PDE4D: variants seen among roughly 807,000 people sequenced by gnomAD.
PDE4D encodes the protein 3',5'-cyclic-AMP phosphodiesterase 4D.
Under a neutral mutation model 87.4 loss-of-function variants are expected in PDE4D, and 24 were observed. The observed-to-expected ratio is 0.27, with a 90% CI of 0.20 to 0.39. PDE4D has a LOEUF of 0.39. PDE4D is among the 10% of genes least tolerant of loss of function. The probability of loss-of-function intolerance (pLI) is 1.00; values close to 1 mark genes in which losing one functional copy is unlikely to be tolerated. For missense variants in PDE4D, 714 were observed against 1,041.0 expected (o/e 0.69, Z 4.32); for synonymous variants, 384 against 383.2 (o/e 1.00, Z -0.02).
At chr5:59,568,490 G>T (rs1000771770) in intron 1 of PDE4D, among the ~76,000 whole-genome samples, 1 of 152,020 alleles carries the variant, frequency 6.6e-6, no homozygotes, top group Non-Finnish European at 1.5e-5. Context: ...CAAAGGGTAG[G>T]TATGAAAATA....
intron 5 of PDE4D, among the ~76,000 whole-genome samples, chr5:59,177,744 T>C (rs142140082): frequency 6.6e-6 from 1 of 152,168 alleles, no homozygotes; most frequent in African/African-American, 2.4e-5. Flanking sequence ...GGATCAGCCA[T>C]GAACTTAACT....
intron 1 of PDE4D, among the ~76,000 whole-genome samples, chr5:60,246,252 AT>A (rs1747764362): frequency 6.6e-6 from 1 of 151,476 alleles, no homozygotes; most frequent in South Asian, 2.1e-4. Context: ...AATTTTCATT[AT>A]TTTTTTGCTT....
intron 6 of PDE4D, among the ~76,000 whole-genome samples, chr5:59,009,435 A>C (rs1752323135): frequency 6.6e-6 from 1 of 152,160 alleles, no homozygotes; most frequent in African/African-American, 2.4e-5. Context: ...AGATGCAATA[A>C]CACAAAATGT....
intron 1 of PDE4D, among the ~76,000 whole-genome samples, chr5:60,466,831 C>T (rs1017763630): frequency 4.6e-5 from 7 of 152,108 alleles, no homozygotes; most frequent in African/African-American, 1.4e-4. Context: ...GTTGATTTTG[C>T]CCTTACTTTT....
At chr5:59,090,641 G>A (rs1768533316) in intron 5 of PDE4D, among the ~76,000 whole-genome samples, 1 of 152,016 alleles carries the variant, frequency 6.6e-6, no homozygotes, top group Non-Finnish European at 1.5e-5. Flanking sequence ...TTATAAAAAT[G>A]TTGGGTAGAG....
chr5:59,603,332 G>A (rs567441235), intron 1 of PDE4D, among the ~76,000 whole-genome samples: 8 of 151,866 alleles, frequency 5.3e-5, no homozygotes, highest in Non-Finnish European at 1.0e-4. Context: ...TGAAAAATGG[G>A]CAAAGGAACT....
At chr5:59,542,809 G>C (rs1816594118) in intron 1 of PDE4D, among the ~76,000 whole-genome samples, 1 of 152,076 alleles carries the variant, frequency 6.6e-6, no homozygotes, top group Admixed American at 6.6e-5. Flanking sequence ...TTAGTATACA[G>C]TATGTAAGAA....
At position 58,998,242 on chromosome 5, in the gene PDE4D, C is replaced by A. The variant is rs535314176; in HGVS notation, c.922-4777G>T. On this transcript the variant is annotated intron_variant, in intron 6 of 14. Coordinates refer to ENST00000340635, the MANE Select transcript of PDE4D (RefSeq NM_001104631.2). ...AGGAAAAATTTTCCTCAAAAAGAAA[C>A]GTACTAAAATTCTATATGTAGATTC... is the stretch of plus-strand genomic sequence containing the variant. 4.6e-5 allele frequency among the ~76,000 whole-genome samples: 7 copies of A among 152,022 alleles called. No homozygotes were observed. The East Asian group carries it at 1.4e-3, about 29-fold the overall frequency.
At chr5:59,756,346 A>AT (rs1761212102) in intron 1 of PDE4D, among the ~76,000 whole-genome samples, 2 of 152,110 alleles carry the variant, frequency 1.3e-5, no homozygotes, top group Admixed American at 1.3e-4. Context: ...ATTTACACAG[A>AT]TTTTTTTCAG....
intron 1 of PDE4D, among the ~76,000 whole-genome samples, chr5:60,516,801 C>T (rs1451728238): frequency 6.6e-6 from 1 of 152,166 alleles, no homozygotes; most frequent in African/African-American, 2.4e-5. Flanking sequence ...ACAGTGGTGG[C>T]CCATCTGGAG....
At position 60,409,894 on chromosome 5, in the gene PDE4D, G is replaced by A. The variant is rs1006724819; in HGVS notation, c.-90+78048C>T. Among the ~76,000 whole-genome samples the A allele has an allele frequency of 1.6e-4, 12 of 73,908 alleles. No individual in the cohort carries two copies. The African/African-American group carries it at 1.9e-3, about 11-fold the overall frequency. The allele number at this position is 73,908 out of a possible 152,430, so 48.5% of individuals were successfully genotyped here. On this transcript the variant is annotated intron_variant, in intron 1 of 16. Coordinates refer to the PDE4D transcript ENST00000502484. ...CAGGAGTGTGAGAAGGAAAAGCAGG[G>A]AAGAACAAAGCAGTCAGATGTGTGT...
intron 1 of PDE4D, among the ~76,000 whole-genome samples, chr5:59,219,436 A>T (rs1561739419): frequency 6.6e-6 from 1 of 152,164 alleles, no homozygotes; most frequent in African/African-American, 2.4e-5. Context: ...CTTATAATCA[A>T]AATTAATTAT....
At chr5:59,523,597 T>C (rs1812600020) in intron 1 of PDE4D, among the ~76,000 whole-genome samples, 1 of 152,226 alleles carries the variant, frequency 6.6e-6, no homozygotes, top group Admixed American at 6.5e-5. Context: ...AAAAAAAAGC[T>C]GCCCCTTTGA....
chr5:59,278,251 GA>G lies in PDE4D; in HGVS notation c.456-62284del, dbSNP rs530160752. 4.2e-3 allele frequency among the ~76,000 whole-genome samples: 634 copies of G among 152,120 alleles called. 5 individuals are homozygous for G. The highest frequency in any genetic ancestry group is 6.2e-3 in the Non-Finnish European group (421 of 68,000). On this transcript the variant is annotated intron_variant, in intron 1 of 14. Transcript: ENST00000340635. Reference sequence around the variant, plus strand: ...CTAAGCATCCTGTAGTTTTCCCTCTGAAAAGCTTCCCCAAATGGAAAAGATA... The same window carrying G: ...CTAAGCATCCTGTAGTTTTCCCTCTGAAAGCTTCCCCAAATGGAAAAGATA...
intron 2 of PDE4D, among the ~76,000 whole-genome samples, chr5:60,007,711 C>A (rs905888777): frequency 6.6e-6 from 1 of 151,938 alleles, no homozygotes; most frequent in African/African-American, 2.4e-5. Context: ...TGTTTCATGA[C>A]CCTCTACTTA....
intron 3 of PDE4D, among the ~76,000 whole-genome samples, chr5:59,918,569 A>T (rs1754322252): frequency 6.6e-6 from 1 of 152,182 alleles, no homozygotes; most frequent in African/African-American, 2.4e-5. Flanking sequence ...CAGTCATACT[A>T]GCAAACTCAC....
Position 59,511,933 on chromosome 5 carries a change from G to GA in PDE4D, c.456-295966dup, listed in dbSNP as rs1352032013. ...CAGCACTATATGATACCATTCTAAT[G>GA]AGGCTTTTAAAAAATGTGGTAATTT... is the stretch of plus-strand genomic sequence containing the variant. On this transcript the variant is annotated intron_variant, in intron 1 of 14. Coordinates refer to ENST00000340635, the MANE Select transcript of PDE4D (RefSeq NM_001104631.2). Among the ~76,000 whole-genome samples, 3 of 152,040 alleles carry GA rather than the reference G, an allele frequency of 2.0e-5. No individual in the cohort carries two copies. The East Asian group carries it at 5.8e-4, about 29-fold the overall frequency.
At chr5:59,531,646 G>T (rs1292078281) in intron 1 of PDE4D, among the ~76,000 whole-genome samples, 1 of 152,092 alleles carries the variant, frequency 6.6e-6, no homozygotes, top group African/African-American at 2.4e-5. Flanking sequence ...CACATTCCTT[G>T]GCTCCAGGCC....
chr5:60,467,490 A>G (rs765304799), intron 1 of PDE4D, among the ~76,000 whole-genome samples: 12 of 152,184 alleles, frequency 7.9e-5, no homozygotes, highest in Non-Finnish European at 1.6e-4. Flanking sequence ...TTGCCTTCAC[A>G]GCCTATGGTC....
Sources: allele counts gnomAD v4.1 joint callset (sites outside exome capture counted in the v4.1 genomes callset), GRCh38; gene constraint gnomAD v4.1.1; transcripts MANE v1.5; gene names NCBI Gene and HGNC (gene_info 2026-07-23, HGNC 2026-07-21).